Variants in MPZL1 observed in about 807,000 individuals in gnomAD.
MPZL1 encodes the protein myelin protein zero-like protein 1.
Under a neutral mutation model 29.3 loss-of-function variants are expected in MPZL1, and 16 were observed. The ratio of observed to expected loss-of-function variants is 0.55; its 90% CI spans 0.37 to 0.83. The LOEUF is 0.83. Ranked by LOEUF, MPZL1 falls within the 40% of genes least tolerant of loss-of-function variation. The probability of loss-of-function intolerance (pLI) is 0.00; values close to 1 mark genes in which losing one functional copy is unlikely to be tolerated. For missense variants in MPZL1, 279 were observed against 332.9 expected, an observed-to-expected ratio of 0.84 and a Z score of 1.26; for synonymous variants, 143 against 132.0, an observed-to-expected ratio of 1.08 and a Z score of -0.57.
Position 167,754,489 on chromosome 1 carries a change from T to A in MPZL1, c.92-11094T>A, listed in dbSNP as rs1386245338. Among the ~76,000 whole-genome samples, 3 of 152,232 alleles carry A rather than the reference T, an allele frequency of 2.0e-5. No homozygotes were observed. In the East Asian group the frequency reaches 5.8e-4, roughly 29 times the overall value. ...AGTGCAGTCTTCAGAATAAAGTAGA[T>A]TTTTGTAATTTCTCTGCCGACATGT... is the stretch of plus-strand genomic sequence containing the variant. On this transcript the variant is annotated intron_variant, in intron 1 of 5. Transcript: ENST00000359523.
intron 1 of MPZL1, among the ~76,000 whole-genome samples, chr1:167,737,177 T>C (rs887215221): frequency 1.3e-5 from 2 of 152,214 alleles, no homozygotes; most frequent in African/African-American, 4.8e-5. Context: ...TTATATACTT[T>C]GGGTCTCCAA....
At chr1:167,743,894 T>C (rs1259184111) in intron 1 of MPZL1, among the ~76,000 whole-genome samples, 1 of 152,030 alleles carries the variant, frequency 6.6e-6, no homozygotes, top group East Asian at 1.9e-4. Flanking sequence ...TGGATGCCCT[T>C]TATTTCTTTC....
At chr1:167,723,686 A>G (rs1027917241) in intron 1 of MPZL1, among the ~76,000 whole-genome samples, 1 of 152,206 alleles carries the variant, frequency 6.6e-6, no homozygotes, top group Non-Finnish European at 1.5e-5. Context: ...GGAGTGCAAA[A>G]CTACATAGTA....
chr1:167,772,563 A>G, intron 3 of MPZL1, 75 bp downstream of exon 3: 2 of 1,377,484 alleles, frequency 1.5e-6, no homozygotes, highest in Admixed American at 3.8e-5. Context: ...CATGAGTTGC[A>G]TTTCATGGTG....
At chr1:167,731,132 T>C (rs1660255898) in intron 1 of MPZL1, among the ~76,000 whole-genome samples, 1 of 152,154 alleles carries the variant, frequency 6.6e-6, no homozygotes, top group Admixed American at 6.5e-5. Context: ...TTGAATAATA[T>C]GGATTTAAGA....
intron 5 of MPZL1, among the ~76,000 whole-genome samples, chr1:167,779,008 G>A (rs1661432662): frequency 6.6e-6 from 1 of 152,100 alleles, no homozygotes; most frequent in Non-Finnish European, 1.5e-5. Flanking sequence ...TGTAGTCCCA[G>A]TTACTCAGGA....
intron 5 of MPZL1, among the ~76,000 whole-genome samples, chr1:167,785,437 C>T (rs1337909842): frequency 6.6e-6 from 1 of 152,204 alleles, no homozygotes; most frequent in Admixed American, 6.5e-5. Flanking sequence ...GTGGAAACTG[C>T]ACAGCATCAC....
chr1:167,772,831 G>T (rs1043418658), intron 3 of MPZL1, among the ~76,000 whole-genome samples: 1 of 152,186 alleles, frequency 6.6e-6, no homozygotes, highest in Non-Finnish European at 1.5e-5. Context: ...GATTCATACT[G>T]TTTTATATTC....
intron 1 of MPZL1, among the ~76,000 whole-genome samples, chr1:167,739,282 C>CATATATACATATATATATAT (rs1387652331): frequency 0.023 from 2,072 of 89,518 alleles, 38 homozygotes; most frequent in Non-Finnish European, 0.032. Context: ...TACATATATA[C>CATATATACATATATATATAT]ATATATATAT....
In MPZL1 at chr1:167,759,487, G is replaced by T. The variant is rs34338192; in HGVS notation, c.92-6096G>T. Among the ~76,000 whole-genome samples, 411 of 152,298 alleles carry T rather than the reference G, an allele frequency of 2.7e-3. 5 individuals are homozygous for T. The highest frequency in any genetic ancestry group is 9.4e-3 in the African/African-American group (391 of 41,554). On this transcript the variant is annotated intron_variant, in intron 1 of 5. Coordinates refer to ENST00000359523, the MANE Select transcript of MPZL1 (RefSeq NM_003953.6). Reference sequence around the variant, plus strand: ...ACTGCATAGAATACAGCCTGAGAGGGAAACCTGTGATTTAGTTTCTCTCTT... The same window carrying T: ...ACTGCATAGAATACAGCCTGAGAGGTAAACCTGTGATTTAGTTTCTCTCTT...
chr1:167,750,772 C>T (rs1047483070), intron 1 of MPZL1, among the ~76,000 whole-genome samples: 3 of 152,116 alleles, frequency 2.0e-5, no homozygotes, highest in East Asian at 1.9e-4. Flanking sequence ...GGATGATGCC[C>T]GTTGATCCAA....
intron 5 of MPZL1, among the ~76,000 whole-genome samples, chr1:167,778,963 A>C (rs1656985128): frequency 1.3e-5 from 2 of 152,246 alleles, no homozygotes; most frequent in Admixed American, 1.3e-4. Context: ...TCTACTAAAA[A>C]TACAAAAAAT....
chr1:167,780,443 C>T (rs937763702), intron 5 of MPZL1, among the ~76,000 whole-genome samples: 1 of 152,126 alleles, frequency 6.6e-6, no homozygotes, highest in Non-Finnish European at 1.5e-5. Flanking sequence ...ATTTGTACAT[C>T]CATGTTCATA....
chr1:167,770,467 A>G (rs1571164057), intron 2 of MPZL1, among the ~76,000 whole-genome samples: 1 of 152,344 alleles, frequency 6.6e-6, no homozygotes, highest in East Asian at 1.9e-4. Flanking sequence ...GAGGAGTGGA[A>G]AGAGAAAGGG....
chr1:167,722,233 C>G lies in MPZL1; in HGVS notation c.82C>G (p.Leu28Val), dbSNP rs1660044614. The part of the protein sequence containing the change: ...RWLWSVLAAA[L>V]GLLTAGVSAL... ...GCTGTGGTCGGTGCTGGCGGCGGCG[C>G]TTGGGCTCTGTAAGTGATGCCAGGA... The change falls in exon 1 of 6, where the codon CTT becomes GTT. Residue 28 changes from leucine (L) to valine (V), a missense_variant. By Grantham distance (32) the Leu-to-Val change is conservative. Coordinates refer to ENST00000359523, the MANE Select transcript of MPZL1 (RefSeq NM_003953.6). 8.1e-7 allele frequency: 1 copy of G among 1,239,188 alleles called. No individual in the cohort carries two copies. Among genetic ancestry groups the G allele is most frequent in the African/African-American group, 1.6e-5 (1 of 64,428 alleles). The allele number at this position is 1,239,188 out of a possible 1,614,324, so 76.8% of individuals were successfully genotyped here. A position where few individuals can be genotyped will look rare whatever the true frequency, so the allele number is the denominator to read the frequency against.
chr1:167,758,849 A>T (rs1660923918), intron 1 of MPZL1, among the ~76,000 whole-genome samples: 1 of 152,206 alleles, frequency 6.6e-6, no homozygotes, highest in African/African-American at 2.4e-5. Flanking sequence ...ACTCTAGCAT[A>T]ACTCAGCAGG....
intron 2 of MPZL1, among the ~76,000 whole-genome samples, chr1:167,767,043 A>G (rs1661129191): frequency 6.6e-6 from 1 of 152,236 alleles, no homozygotes. Context: ...TTTTACATAT[A>G]AAAGAGAAAG....
chr1:167,790,526 C>A lies in MPZL1; in HGVS notation c.*2605C>A, dbSNP rs1238834825. On this transcript the variant is annotated 3_prime_UTR_variant, in exon 6 of 6. Coordinates refer to ENST00000359523, the MANE Select transcript of MPZL1 (RefSeq NM_003953.6). ...CCACCCCTGCAGCCCTTTTGGCTCCCCTTTTCCCTGTGCCTCAGCACTCCT... is the reference window on the plus strand; with the variant it reads ...CCACCCCTGCAGCCCTTTTGGCTCCACTTTTCCCTGTGCCTCAGCACTCCT... The A allele has an allele frequency of 2.6e-5, 4 of 152,436 alleles. No homozygotes were observed. The highest frequency in any genetic ancestry group is 5.9e-5 in the Non-Finnish European group (4 of 68,106). 9.4% of individuals were successfully genotyped at this position (152,436 alleles called of 1,614,324 possible). A position where few individuals can be genotyped will look rare whatever the true frequency, so the allele number is the denominator to read the frequency against.
intron 2 of MPZL1, among the ~76,000 whole-genome samples, chr1:167,768,676 C>G (rs1661172435): frequency 6.6e-6 from 1 of 152,242 alleles, no homozygotes; most frequent in African/African-American, 2.4e-5. Flanking sequence ...TTTGATTCAG[C>G]AAACTATGTA....
Sources: gnomAD v4.1 joint callset for allele counts (sites outside exome capture counted in the v4.1 genomes callset) on GRCh38, gnomAD v4.1.1 for gene constraint, MANE v1.5 for transcripts, NCBI Gene and HGNC (gene_info 2026-07-23, HGNC 2026-07-21) for gene names.